PCDHA7: variants seen among roughly 807,000 people sequenced by gnomAD.
PCDHA7 encodes protocadherin alpha-7.
A neutral mutation model predicts 57.2 loss-of-function variants in PCDHA7; 37 were observed. That is an observed-to-expected ratio of 0.65 (90% confidence interval 0.50 to 0.85). PCDHA7 has a LOEUF of 0.85. Ranked by LOEUF, PCDHA7 falls within the 40% of genes least tolerant of loss-of-function variation. PCDHA7 has a pLI of 0.00. For synonymous variants in PCDHA7, 553 were observed against 558.8 expected (o/e 0.99, Z 0.15); for missense variants, 1,188 against 1,241.8 (o/e 0.96, Z 0.65).
intron 1 of PCDHA7, among the ~76,000 whole-genome samples, chr5:140,960,371 T>A (rs2095543916): frequency 6.6e-6 from 1 of 152,196 alleles, no homozygotes; most frequent in Non-Finnish European, 1.5e-5. Context: ...TGCCAACTCT[T>A]AAGTGCCAAG....
chr5:140,851,414 T>G lies in PCDHA7; in HGVS notation c.2355+14676T>G, dbSNP rs1459113543. ...TCTATTATTTTAATAAGAAAGAAAC[T>G]TCCCCTAAACTTTAGAAAACAGTTG... On this transcript the variant is annotated intron_variant, in intron 1 of 3. Transcript: ENST00000525929. 11 of 961,418 alleles carry G rather than the reference T, an allele frequency of 1.1e-5. No individual in the cohort carries two copies. In the East Asian group the frequency reaches 1.2e-3, roughly 108 times the overall value. 59.6% of individuals were successfully genotyped at this position (961,418 alleles called of 1,614,324 possible). A position where few individuals can be genotyped will look rare whatever the true frequency, so the allele number is the denominator to read the frequency against.
intron 1 of PCDHA7, among the ~76,000 whole-genome samples, chr5:140,887,239 G>C (rs1248062448): frequency 6.6e-6 from 1 of 151,736 alleles, no homozygotes. Flanking sequence ...TGAGACTACC[G>C]GCGCCCGCCA....
At chr5:140,999,977 C>T (rs1554257051) in intron 3 of PCDHA7, among the ~76,000 whole-genome samples, 1 of 152,068 alleles carries the variant, frequency 6.6e-6, no homozygotes, top group Non-Finnish European at 1.5e-5. Flanking sequence ...GCAGCTCTAG[C>T]GGCCTCTGGG....
chr5:140,887,540 C>T (rs1039020160), intron 1 of PCDHA7, among the ~76,000 whole-genome samples: 1 of 152,100 alleles, frequency 6.6e-6, no homozygotes. Flanking sequence ...CTCTCCCCAC[C>T]CCTCATGGTT....
At chr5:140,892,624 A>C (rs1041078923) in intron 1 of PCDHA7, among the ~76,000 whole-genome samples, 28 of 152,166 alleles carry the variant, frequency 1.8e-4, no homozygotes, top group Non-Finnish European at 3.2e-4. Flanking sequence ...CAGTTGGTAC[A>C]TAATAATTGT....
At chr5:140,954,396 C>T (rs894225724) in intron 1 of PCDHA7, among the ~76,000 whole-genome samples, 3 of 152,176 alleles carry the variant, frequency 2.0e-5, no homozygotes, top group Admixed American at 1.3e-4. Context: ...TTTACAACCC[C>T]ACCAACAGGG....
At chr5:140,861,696 G>C (rs2047025266) in intron 1 of PCDHA7, 1 of 223,632 alleles carries the variant, frequency 4.5e-6, no homozygotes, top group South Asian at 6.6e-5. Context: ...GAGGGTGTCT[G>C]TGATGCCGAC....
At chr5:141,003,039 T>C (rs2098108520) in intron 3 of PCDHA7, among the ~76,000 whole-genome samples, 1 of 152,216 alleles carries the variant, frequency 6.6e-6, no homozygotes, top group Admixed American at 6.5e-5. Flanking sequence ...AAAGCCCTCC[T>C]GGCCTTAACA....
At chr5:140,864,271 A>T (rs2048397543) in intron 1 of PCDHA7, 1 of 152,134 alleles carries the variant, frequency 6.6e-6, no homozygotes, top group African/African-American at 2.4e-5. Context: ...TGTGTCCTCC[A>T]TTCCTTATTG....
intron 1 of PCDHA7, among the ~76,000 whole-genome samples, chr5:140,909,492 C>T (rs955748526): frequency 4.6e-5 from 7 of 152,160 alleles, no homozygotes; most frequent in East Asian, 3.9e-4. Context: ...GAGAGCTGAA[C>T]GGGGATGTGG....
intron 3 of PCDHA7, among the ~76,000 whole-genome samples, chr5:140,988,469 G>A (rs2097299168): frequency 6.6e-6 from 1 of 152,150 alleles, no homozygotes; most frequent in Admixed American, 6.5e-5. Flanking sequence ...GGTGTGGGAA[G>A]GGGAATTAGC....
intron 1 of PCDHA7, chr5:140,875,865 G>A (rs782211791): frequency 6.2e-7 from 1 of 1,614,160 alleles, no homozygotes; most frequent in Non-Finnish European, 8.5e-7. Context: ...ACAACCCGCC[G>A]GTGTTCAGAG....
intron 1 of PCDHA7, among the ~76,000 whole-genome samples, chr5:140,926,138 T>C (rs2082936633): frequency 6.6e-6 from 1 of 152,004 alleles, no homozygotes; most frequent in African/African-American, 2.4e-5. Flanking sequence ...CGCAGCAGGA[T>C]CCAGCGCGGA....
intron 1 of PCDHA7, among the ~76,000 whole-genome samples, chr5:140,888,214 G>GTGTGTGTGCA (rs1387597541): frequency 6.6e-6 from 1 of 152,130 alleles, no homozygotes; most frequent in Admixed American, 6.5e-5. Context: ...TGGATTTTGT[G>GTGTGTGTGCA]TGTGTGTGCA....
intron 1 of PCDHA7, among the ~76,000 whole-genome samples, chr5:140,947,749 T>TC (rs1316656181): frequency 6.6e-6 from 1 of 151,628 alleles, no homozygotes; most frequent in Non-Finnish European, 1.5e-5. Flanking sequence ...TCTTATGTAT[T>TC]TTATGGTTTA....
At position 140,869,590 on chromosome 5, in the gene PCDHA7, G is replaced by A. The variant is rs372301742; in HGVS notation, c.2355+32852G>A. 61 of 1,613,984 alleles carry A rather than the reference G, an allele frequency of 3.8e-5. No individual in the cohort carries two copies. The highest frequency in any genetic ancestry group is 4.9e-5 in the Non-Finnish European group (58 of 1,180,038). ...AGAGGGAGCTTCTGATGCTGACATT[G>A]AAGAGAATGCTCTATTGACCTACAG... On this transcript the variant is annotated intron_variant, in intron 1 of 3. Coordinates refer to ENST00000525929, the MANE Select transcript of PCDHA7 (RefSeq NM_018910.3).
intron 1 of PCDHA7, chr5:140,877,906 A>G: frequency 2.1e-6 from 3 of 1,435,008 alleles, no homozygotes; most frequent in Non-Finnish European, 1.8e-6. Flanking sequence ...TTATAACTAC[A>G]TTCTCTCATT....
At chr5:140,927,816 A>G in intron 1 of PCDHA7, 2 of 1,614,198 alleles carry the variant, frequency 1.2e-6, no homozygotes, top group Non-Finnish European at 1.7e-6. Flanking sequence ...TCTTGGAGGC[A>G]TACATTGAGG....
At chr5:141,002,532 C>T (rs571310813) in intron 3 of PCDHA7, among the ~76,000 whole-genome samples, 26 of 152,270 alleles carry the variant, frequency 1.7e-4, no homozygotes, top group African/African-American at 6.0e-4. Flanking sequence ...AGTCAGACTC[C>T]CTAGATTTGA....
Sources: gnomAD v4.1 joint callset for allele counts (sites outside exome capture counted in the v4.1 genomes callset) on GRCh38, gnomAD v4.1.1 for gene constraint, MANE v1.5 for transcripts, NCBI Gene and HGNC (gene_info 2026-07-23, HGNC 2026-07-21) for gene names.